Variants in RBFOX1 observed in about 807,000 individuals in gnomAD.
The protein encoded by RBFOX1 is RNA binding fox-1 homolog 1, also known as RNA binding protein fox-1 homolog 1.
Under a neutral mutation model 57.7 loss-of-function variants are expected in RBFOX1, and 8 were observed. The observed-to-expected ratio is 0.14, with a 90% CI of 0.08 to 0.25. The LOEUF is 0.25. Among genes scored for constraint, RBFOX1 ranks in the 10% least tolerant of loss-of-function variants. The pLI, the probability that RBFOX1 is intolerant of heterozygous loss-of-function variation, is 1.00. For missense variants in RBFOX1, 611 were observed against 548.5 expected, an observed-to-expected ratio of 1.11 and a Z score of -1.14; for synonymous variants, 326 against 222.4, an observed-to-expected ratio of 1.47 and a Z score of -4.15.
chr16:5,265,987 G>A (rs2062847950), intron 1 of RBFOX1, among the ~76,000 whole-genome samples: 1 of 151,860 alleles, frequency 6.6e-6, no homozygotes, highest in African/African-American at 2.4e-5. Context: ...AAAATCACTT[G>A]AAAATGAGAC....
intron 3 of RBFOX1, among the ~76,000 whole-genome samples, chr16:5,731,696 A>C (rs1461597748): frequency 2.0e-5 from 3 of 152,234 alleles, no homozygotes; most frequent in Non-Finnish European, 4.4e-5. Context: ...CTGGATGTCC[A>C]TAGGACATTT....
intron 4 of RBFOX1, among the ~76,000 whole-genome samples, chr16:7,203,189 C>G (rs1458907133): frequency 5.9e-5 from 9 of 152,176 alleles, no homozygotes; most frequent in African/African-American, 2.2e-4. Context: ...CTCACACACG[C>G]ACAATGGAAT....
chr16:7,619,186 A>G (rs1276048155), intron 10 of RBFOX1, among the ~76,000 whole-genome samples: 1 of 152,198 alleles, frequency 6.6e-6, no homozygotes, highest in Admixed American at 6.5e-5. Flanking sequence ...TTTAAAACAC[A>G]AACACCCCAA....
chr16:7,666,471 G>A (rs543259525), intron 13 of RBFOX1, among the ~76,000 whole-genome samples: 1 of 152,120 alleles, frequency 6.6e-6, no homozygotes, highest in African/African-American at 2.4e-5. Flanking sequence ...TCACGCCTCA[G>A]TTTCTTCAAA....
At chr16:7,125,879 T>A (rs12444267) in intron 4 of RBFOX1, among the ~76,000 whole-genome samples, 4 of 151,996 alleles carry the variant, frequency 2.6e-5, no homozygotes, top group Non-Finnish European at 5.9e-5. Context: ...GGTCAGGAGT[T>A]CAAGACCATC....
chr16:6,880,319 A>G (rs899083156), intron 3 of RBFOX1, among the ~76,000 whole-genome samples: 2 of 152,194 alleles, frequency 1.3e-5, no homozygotes, highest in Non-Finnish European at 2.9e-5. Context: ...AGCCAGAGAG[A>G]CAGCCTCTGT....
rs1255430430 is a variant in RBFOX1, at chr16:7,034,841, C to CTTTTTT, written c.-15-17215_-15-17210dup. 5.8e-3 allele frequency among the ~76,000 whole-genome samples: 226 copies of CTTTTTT among 39,066 alleles called. 3 individuals carry two copies. The highest frequency in any genetic ancestry group is 0.021 in the East Asian group (18 of 872). The allele number at this position is 39,066 out of a possible 152,430, so 25.6% of individuals were successfully genotyped here. A position where few individuals can be genotyped will look rare whatever the true frequency, so the allele number is the denominator to read the frequency against. Reference sequence around the variant, plus strand: ...ATATTGCATTACTTTTTTTTTTTTTCTTTTTTCTTTTTTTTTTTTTTTTTT... The same window carrying CTTTTTT: ...ATATTGCATTACTTTTTTTTTTTTTCTTTTTTTTTTTTCTTTTTTTTTTTTTTTTTT... On this transcript the variant is annotated intron_variant, in intron 3 of 15. Transcript: ENST00000550418.
chr16:7,090,885 CAACCTCCCTT>C (rs1343952942), intron 4 of RBFOX1, among the ~76,000 whole-genome samples: 2 of 84,688 alleles, frequency 2.4e-5, no homozygotes, highest in African/African-American at 8.2e-5. Context: ...TTGACCAGCA[CAACCTCCCTT>C]GACCAGCACA....
At chr16:6,814,201 T>C (rs1325363142) in intron 3 of RBFOX1, among the ~76,000 whole-genome samples, 1 of 147,432 alleles carries the variant, frequency 6.8e-6, no homozygotes. Flanking sequence ...AACATGATGA[T>C]AATAACTGTT....
chr16:6,474,102 C>G (rs935713407), intron 2 of RBFOX1, among the ~76,000 whole-genome samples: 26 of 152,074 alleles, frequency 1.7e-4, no homozygotes, highest in African/African-American at 6.3e-4. Context: ...TCTATATGGT[C>G]TTGCCAGTGT....
At chr16:6,855,104 G>A (rs533061110) in intron 3 of RBFOX1, among the ~76,000 whole-genome samples, 1 of 152,220 alleles carries the variant, frequency 6.6e-6, no homozygotes, top group South Asian at 2.1e-4. Flanking sequence ...AGGATGCTAT[G>A]TAGGGAGTTG....
intron 1 of RBFOX1, among the ~76,000 whole-genome samples, chr16:6,217,656 A>G (rs999746644): frequency 1.3e-5 from 2 of 152,088 alleles, no homozygotes; most frequent in African/African-American, 4.8e-5. Flanking sequence ...GTCTCTTGGG[A>G]CCACTTCATT....
At chr16:6,092,683 A>T (rs1396703013) in intron 1 of RBFOX1, 1 of 152,148 alleles carries the variant, frequency 6.6e-6, no homozygotes, top group Admixed American at 6.5e-5. Flanking sequence ...AACTTTGTCG[A>T]AGATCAGATG....
intron 3 of RBFOX1, among the ~76,000 whole-genome samples, chr16:5,826,511 C>T (rs2056061276): frequency 6.6e-6 from 1 of 152,208 alleles, no homozygotes; most frequent in Admixed American, 6.5e-5. Flanking sequence ...TCAACTCTAC[C>T]ATTTGGCATG....
chr16:6,802,999 A>C (rs2085855188), intron 3 of RBFOX1, among the ~76,000 whole-genome samples: 1 of 152,160 alleles, frequency 6.6e-6, no homozygotes, highest in Non-Finnish European at 1.5e-5. Context: ...CTGTTCTAAA[A>C]GTCTTTTAGC....
At chr16:7,693,830 G>A (rs951398992) in intron 14 of RBFOX1, among the ~76,000 whole-genome samples, 28 of 152,240 alleles carry the variant, frequency 1.8e-4, no homozygotes, top group East Asian at 3.9e-4. Context: ...AGAGGCATTC[G>A]AGAATATAAT....
intron 3 of RBFOX1, among the ~76,000 whole-genome samples, chr16:6,933,452 C>A (rs543064258): frequency 6.6e-6 from 1 of 152,344 alleles, no homozygotes. Context: ...GTGGCTCATG[C>A]CTGTAATCCC....
chr16:6,593,345 GA>G (rs2097740794), intron 2 of RBFOX1, among the ~76,000 whole-genome samples: 1 of 152,164 alleles, frequency 6.6e-6, no homozygotes, highest in African/African-American at 2.4e-5. Flanking sequence ...GGCACTAAAA[GA>G]AAGGGTTAAA....
intron 10 of RBFOX1, among the ~76,000 whole-genome samples, chr16:7,624,482 G>C (rs1282339495): frequency 6.6e-6 from 1 of 152,140 alleles, no homozygotes; most frequent in Non-Finnish European, 1.5e-5. Flanking sequence ...AGCACTAAAC[G>C]TGATAACATG....
Sources: allele counts gnomAD v4.1 joint callset (sites outside exome capture counted in the v4.1 genomes callset), GRCh38; gene constraint gnomAD v4.1.1; transcripts MANE v1.5; gene names NCBI Gene and HGNC (gene_info 2026-07-23, HGNC 2026-07-21).